The following MTARC2 variants were observed in gnomAD, a reference collection of about 807,000 sequenced individuals.
The protein encoded by MTARC2 is mitochondrial amidoxime reducing component 2, also known as MOCO sulphurase C-terminal domain containing 2.
Under a neutral mutation model 35.6 loss-of-function variants are expected in MTARC2, and 27 were observed. The observed-to-expected ratio is 0.76, with a 90% CI of 0.56 to 1.04. MTARC2 has a LOEUF of 1.04. Among genes scored for constraint, MTARC2 ranks in the 50% least tolerant of loss-of-function variants. The pLI is 0.00. For missense variants in MTARC2, 412 were observed against 432.5 expected, an observed-to-expected ratio of 0.95 and a Z score of 0.42; for synonymous variants, 158 against 167.1, an observed-to-expected ratio of 0.95 and a Z score of 0.42.
chr1:220,768,605 C>G (rs1276522872), intron 4 of MTARC2, among the ~76,000 whole-genome samples: 2 of 152,056 alleles, frequency 1.3e-5, no homozygotes, highest in South Asian at 4.1e-4. Flanking sequence ...TTTGGCAAAC[C>G]TGTATAGGGC....
At position 220,783,995 on chromosome 1, in the gene MTARC2, G is replaced by A. The variant is rs1270575345; in HGVS notation, c.*108G>A. On this transcript the variant is annotated 3_prime_UTR_variant, in exon 8 of 8. Coordinates refer to ENST00000366913, the MANE Select transcript of MTARC2 (RefSeq NM_017898.5). Reference sequence around the variant, plus strand: ...TACATCAGCAAATCCTTATTATCCAGCCTTCAACTATCTTTACCCTGGAAA... The same window carrying A: ...TACATCAGCAAATCCTTATTATCCAACCTTCAACTATCTTTACCCTGGAAA... 2 of 717,012 alleles carry A rather than the reference G, an allele frequency of 2.8e-6. No homozygotes were observed. Among genetic ancestry groups the A allele is most frequent in the Admixed American group, 4.0e-5 (2 of 49,978 alleles). 44.4% of individuals were successfully genotyped at this position (717,012 alleles called of 1,614,324 possible).
intron 7 of MTARC2, among the ~76,000 whole-genome samples, chr1:220,783,012 G>A (rs968437133): frequency 2.6e-5 from 4 of 152,170 alleles, no homozygotes; most frequent in African/African-American, 9.7e-5. Flanking sequence ...TCCATAGTGG[G>A]TATAAAGATG....
At position 220,781,919 on chromosome 1, in the gene MTARC2, A is replaced by T. The variant is rs934202988; in HGVS notation, c.*18A>T. ...TGGTGTAGTGATGAGTGATGGATCC[A>T]CTAGGGTGATATGGTAAAGGGTCAG... On this transcript the variant is annotated 3_prime_UTR_variant, in exon 7 of 8. Coordinates refer to ENST00000366913, the MANE Select transcript of MTARC2 (RefSeq NM_017898.5). 6.2e-7 allele frequency: 1 copy of T among 1,612,840 alleles called. No individual in the cohort carries two copies. The highest frequency in any genetic ancestry group is 1.1e-5 in the South Asian group (1 of 90,858).
At chr1:220,751,344 G>A (rs1671117901) in intron 1 of MTARC2, among the ~76,000 whole-genome samples, 1 of 152,190 alleles carries the variant, frequency 6.6e-6, no homozygotes, top group Non-Finnish European at 1.5e-5. Context: ...GGTGCCTGGT[G>A]CAGTTGCTGG....
rs561539467 is a variant in MTARC2, at chr1:220,754,900, A to G, written c.273-47A>G. The stretch of plus-strand genomic sequence containing the variant: ...AGAAAGCTGGAGGGAAGCTGTTGGG[A>G]GGTGGAAGAGGATTTTCTGAGTGTG... On this transcript the variant is annotated intron_variant, in intron 1 of 7. Transcript: ENST00000366913. 3.4e-5 allele frequency: 51 copies of G among 1,508,504 alleles called. No homozygotes were observed. The African/African-American group carries it at 6.4e-4, about 19-fold the overall frequency. The allele number at this position is 1,508,504 out of a possible 1,614,324, so 93.4% of individuals were successfully genotyped here.
chr1:220,750,809 G>T (rs1214408302), intron 1 of MTARC2, among the ~76,000 whole-genome samples: 2 of 152,198 alleles, frequency 1.3e-5, no homozygotes, highest in African/African-American at 2.4e-5. Context: ...AAACCAGTGT[G>T]TGCTGTGGGG....
rs552476990 is a variant in MTARC2 at position 220,774,158 on chromosome 1, C to T, written c.751-5860C>T. ...TCGGCTCACTGCAACCTCTGCCTCC[C>T]GGGCTGAAGCCATCCTCCTGCCTCA... On this transcript the variant is annotated intron_variant, in intron 4 of 7. Coordinates refer to ENST00000366913, the MANE Select transcript of MTARC2 (RefSeq NM_017898.5). 7.2e-5 allele frequency among the ~76,000 whole-genome samples: 11 copies of T among 151,920 alleles called. No homozygotes were observed. In the East Asian group the frequency reaches 1.6e-3, roughly 21 times the overall value.
intron 7 of MTARC2, among the ~76,000 whole-genome samples, chr1:220,783,193 CT>C (rs1451171513): frequency 1.3e-5 from 2 of 152,212 alleles, no homozygotes; most frequent in East Asian, 3.8e-4. Context: ...TTCAGGATGC[CT>C]TTTGAAAAAT....
At chr1:220,777,026 C>T (rs890998989) in intron 4 of MTARC2, among the ~76,000 whole-genome samples, 14 of 152,148 alleles carry the variant, frequency 9.2e-5, no homozygotes, top group African/African-American at 3.4e-4. Context: ...GGTTAGCCAC[C>T]CGCTGTGGTT....
At chr1:220,776,654 C>T (rs973886828) in intron 4 of MTARC2, among the ~76,000 whole-genome samples, 2 of 152,176 alleles carry the variant, frequency 1.3e-5, no homozygotes, top group African/African-American at 4.8e-5. Context: ...AGACAATTTG[C>T]TCTTTTAAAC....
chr1:220,784,190 T>C lies in MTARC2; in HGVS notation c.*303T>C, dbSNP rs890471601. The stretch of plus-strand genomic sequence containing the variant: ...TTGAATGTTATCATGGCTATTACAC[T>C]TTTACTTCCTGACTTTAATATTGAT... On this transcript the variant is annotated 3_prime_UTR_variant, in exon 8 of 8. Coordinates refer to ENST00000366913, the MANE Select transcript of MTARC2 (RefSeq NM_017898.5). The C allele has an allele frequency of 1.4e-5, 6 of 430,102 alleles. No homozygotes were observed. Among genetic ancestry groups the C allele is most frequent in the Non-Finnish European group, 2.5e-5 (6 of 241,308 alleles). 26.6% of individuals were successfully genotyped at this position (430,102 alleles called of 1,614,324 possible). A position where few individuals can be genotyped will look rare whatever the true frequency, so the allele number is the denominator to read the frequency against.
chr1:220,757,162 AG>A (rs145328904), intron 2 of MTARC2, among the ~76,000 whole-genome samples: 35 of 152,370 alleles, frequency 2.3e-4, no homozygotes, highest in Non-Finnish European at 4.1e-4. Flanking sequence ...TTGGCCTCCC[AG>A]ACTTCTGGGA....
At chr1:220,761,984 A>C (rs1671451007) in intron 3 of MTARC2, among the ~76,000 whole-genome samples, 164 bp downstream of exon 3, 2 of 152,090 alleles carry the variant, frequency 1.3e-5, no homozygotes, top group South Asian at 4.1e-4. Context: ...GTACCAGGGG[A>C]TGGAAAAGAA....
Position 220,754,994 on chromosome 1 carries a change from A to C in MTARC2, c.320A>C (p.Gln107Pro). ...KEDGHMVTARQEPRLVLISII... is the reference protein window; with the variant it reads ...KEDGHMVTARPEPRLVLISII... ...GATGGACACATGGTCACTGCCCGAC[A>C]GGAGCCTCGCCTCGTGCTCATCTCC... The change falls in exon 2 of 8, where the codon CAG (glutamine) becomes CCG (proline). Residue 107 changes from glutamine to proline, a missense_variant. Gln to Pro is a moderately conservative substitution (Grantham distance 76). Coordinates refer to ENST00000366913, the MANE Select transcript of MTARC2 (RefSeq NM_017898.5). 5 of 1,611,612 alleles carry C rather than the reference A, an allele frequency of 3.1e-6. No individual in the cohort carries two copies. The highest frequency in any genetic ancestry group is 4.2e-6 in the Non-Finnish European group (5 of 1,178,806).
chr1:220,752,702 T>C (rs962106273), intron 1 of MTARC2, among the ~76,000 whole-genome samples: 40 of 151,910 alleles, frequency 2.6e-4, no homozygotes, highest in Admixed American at 1.1e-3. Context: ...AAAAGATCAG[T>C]TGGGCGTGGT....
intron 4 of MTARC2, among the ~76,000 whole-genome samples, chr1:220,767,339 T>C (rs1035606468): frequency 6.6e-6 from 1 of 152,190 alleles, no homozygotes; most frequent in Non-Finnish European, 1.5e-5. Flanking sequence ...CAATTAATCA[T>C]TAAAAATTAG....
At chr1:220,775,374 A>G (rs17008649) in intron 4 of MTARC2, among the ~76,000 whole-genome samples, 3,610 of 152,104 alleles carry the variant, frequency 0.024, 109 homozygotes, top group African/African-American at 0.064. Context: ...GTTTTATCCC[A>G]TCACTCTAAG....
rs1451349731 is a variant in MTARC2, at chr1:220,780,230, C to T, written c.875C>T (p.Thr292Ile). 1 of 1,611,206 alleles carries T rather than the reference C, an allele frequency of 6.2e-7. No individual in the cohort carries two copies. Reference protein sequence around the residue: ...GVIDRKQPLDTLKSYRLCDPS... With the variant: ...GVIDRKQPLDILKSYRLCDPS... Reference sequence around the variant, plus strand: ...ATAGACAGGAAACAGCCACTGGACACCCTGAAGAGGTAGAATACCACCACA... The same window carrying T: ...ATAGACAGGAAACAGCCACTGGACATCCTGAAGAGGTAGAATACCACCACA... The change falls in exon 6 of 8, where the codon ACC becomes ATC. Residue 292 changes from threonine to isoleucine, a missense_variant. Transcript: ENST00000366913.
intron 1 of MTARC2, among the ~76,000 whole-genome samples, chr1:220,749,441 T>C (rs1395618308): frequency 6.6e-6 from 1 of 150,794 alleles, no homozygotes; most frequent in Non-Finnish European, 1.5e-5. Context: ...TTTTTTTTTT[T>C]TTTTTTTGAG....
Sources: allele counts gnomAD v4.1 joint callset (sites outside exome capture counted in the v4.1 genomes callset), GRCh38; gene constraint gnomAD v4.1.1; transcripts MANE v1.5; gene names NCBI Gene and HGNC (gene_info 2026-07-23, HGNC 2026-07-21).